EZH1: variants seen among roughly 807,000 people sequenced by gnomAD.
EZH1 encodes the protein histone-lysine N-methyltransferase EZH1.
A neutral mutation model predicts 100.5 loss-of-function variants in EZH1; 33 were observed. That is an observed-to-expected ratio of 0.33 (90% confidence interval 0.25 to 0.44). EZH1 has a LOEUF of 0.44. EZH1 is among the 20% of genes least tolerant of loss of function. The pLI is 1.00. For synonymous variants in EZH1, 272 were observed against 313.8 expected, an observed-to-expected ratio of 0.87 and a Z score of 1.41; for missense variants, 475 against 928.4, an observed-to-expected ratio of 0.51 and a Z score of 6.35.
chr17:42,726,164 C>T (rs979496288), intron 4 of EZH1, among the ~76,000 whole-genome samples: 15 of 149,926 alleles, frequency 1.0e-4, no homozygotes, highest in East Asian at 3.9e-4. Context: ...CAGGCATGAG[C>T]CACTGCACCC....
At position 42,727,760 on chromosome 17, in the gene EZH1, A is replaced by C. The variant is rs1209219306; in HGVS notation, c.121T>G (p.Leu41Val). ...ACCTTTGCAAAATTTGCCACATACA[A>C]AGCCTAGCAAAGCCATGGAAAAGAT... ...RLQANMGAKA[L>V]YVANFAKVQE... Residue 41 changes from leucine to valine, a missense_variant, in exon 4 of 21, where the codon TTG becomes GTG. Leu to Val is a conservative substitution (Grantham distance 32). Coordinates refer to ENST00000428826, the MANE Select transcript of EZH1 (RefSeq NM_001991.5). 3 of 1,589,460 alleles carry C rather than the reference A, an allele frequency of 1.9e-6. No homozygotes were observed. Among genetic ancestry groups the C allele is most frequent in the Non-Finnish European group, 2.6e-6 (3 of 1,172,216 alleles).
In EZH1 at chr17:42,741,933, C is replaced by T. The variant is rs116235110; in HGVS notation, c.-103+3078G>A. Among the ~76,000 whole-genome samples the T allele has an allele frequency of 9.7e-3, 1,480 of 152,122 alleles. 25 individuals are homozygous for T. The highest frequency in any genetic ancestry group is 0.034 in the African/African-American group (1,424 of 41,504). ...CTCACACTTCTGAACTCAAGTGATT[C>T]GCCCACCTCGGCCTCCCAAAATACT... On this transcript the variant is annotated intron_variant, in intron 1 of 20. Coordinates refer to ENST00000428826, the MANE Select transcript of EZH1 (RefSeq NM_001991.5).
At chr17:42,705,544 T>A (rs151186817) in intron 16 of EZH1, 65 of 199,340 alleles carry the variant, frequency 3.3e-4, no homozygotes, top group Non-Finnish European at 5.4e-4. Context: ...TTTTTGGAGA[T>A]GGAATCTCAC....
chr17:42,701,491 C>T lies in EZH1; in HGVS notation c.*1041G>A, dbSNP rs1407642150. ...CATATTCTAACTCACCCTTTCCAAA[C>T]AGCAGGCACTACAGACAGGAAAGCA... On this transcript the variant is annotated 3_prime_UTR_variant, in exon 21 of 21. Transcript: ENST00000428826. The T allele has an allele frequency of 6.5e-6, 1 of 152,902 alleles. No individual in the cohort carries two copies. The allele number at this position is 152,902 out of a possible 1,614,324, so 9.5% of individuals were successfully genotyped here. A position where few individuals can be genotyped will look rare whatever the true frequency, so the allele number is the denominator to read the frequency against.
At chr17:42,743,860 C>A (rs1010593664) in intron 1 of EZH1, among the ~76,000 whole-genome samples, 1 of 152,128 alleles carries the variant, frequency 6.6e-6, no homozygotes, top group African/African-American at 2.4e-5. Context: ...AATAGACAAG[C>A]TTTCACAGAA....
chr17:42,701,148 C>T lies in EZH1; in HGVS notation c.*1384G>A, dbSNP rs2053231946. 6.5e-6 allele frequency: 1 copy of T among 152,722 alleles called. No individual in the cohort carries two copies. Among genetic ancestry groups the T allele is most frequent in the African/African-American group, 2.4e-5 (1 of 41,460 alleles). The allele number at this position is 152,722 out of a possible 1,614,324, so 9.5% of individuals were successfully genotyped here. ...ACATGAAATTCTTCTGTGTGAAACT[C>T]ACTCGTCTGCCTCTCCCAGGAGATG... On this transcript the variant is annotated 3_prime_UTR_variant, in exon 21 of 21. Transcript: ENST00000428826.
intron 1 of EZH1, among the ~76,000 whole-genome samples, chr17:42,744,716 C>A (rs1334747773): frequency 6.6e-6 from 1 of 152,006 alleles, no homozygotes; most frequent in South Asian, 2.1e-4. Context: ...CGGCCCACAC[C>A]GCCATCCAAC....
intron 10 of EZH1, among the ~76,000 whole-genome samples, chr17:42,713,594 A>G (rs12453215): frequency 0.48 from 72,627 of 151,910 alleles, 17,524 homozygotes; most frequent in Non-Finnish European, 0.53. Flanking sequence ...GTTGTCCTAT[A>G]ATGTTTTTTT....
intron 1 of EZH1, among the ~76,000 whole-genome samples, chr17:42,742,339 C>T (rs905321902): frequency 3.9e-5 from 6 of 151,986 alleles, no homozygotes; most frequent in Non-Finnish European, 5.9e-5. Flanking sequence ...GATGGGGTTT[C>T]ACCATATTGG....
At chr17:42,707,581 G>A (rs1242759704) in intron 15 of EZH1, among the ~76,000 whole-genome samples, 4 of 152,138 alleles carry the variant, frequency 2.6e-5, no homozygotes, top group South Asian at 4.2e-4. Flanking sequence ...TTTTAGTAGA[G>A]ATGAGGTTTC....
intron 1 of EZH1, among the ~76,000 whole-genome samples, chr17:42,738,781 A>G: frequency 1.0e-5 from 1 of 99,646 alleles, no homozygotes; most frequent in African/African-American, 4.4e-5. Flanking sequence ...TTTTTTTGAG[A>G]AGGAGTCTCA....
intron 11 of EZH1, among the ~76,000 whole-genome samples, 154 bp from the exon 12 acceptor site, chr17:42,712,639 A>G (rs1369312284): frequency 6.6e-6 from 1 of 152,204 alleles, no homozygotes; most frequent in Non-Finnish European, 1.5e-5. Context: ...ATGGTGGCTC[A>G]CGCCTGTAAT....
intron 6 of EZH1, among the ~76,000 whole-genome samples, chr17:42,721,778 C>T (rs112662974): frequency 0.012 from 1,827 of 151,876 alleles, 47 homozygotes; most frequent in African/African-American, 0.042. Flanking sequence ...GGGAGGCCAA[C>T]GTGGGAGGAT....
intron 12 of EZH1, among the ~76,000 whole-genome samples, chr17:42,711,033 T>G (rs540974204): frequency 1.5e-4 from 23 of 152,296 alleles, no homozygotes; most frequent in Admixed American, 1.2e-3. Context: ...TTGGACATGC[T>G]GGCCCTGACA....
At chr17:42,709,990 A>G in intron 12 of EZH1, 53 bp from the exon 13 acceptor site, 5 of 1,537,510 alleles carry the variant, frequency 3.3e-6, no homozygotes, top group Non-Finnish European at 4.5e-6. Flanking sequence ...GGGTCAGGTA[A>G]GTGGCCCAGC....
chr17:42,733,636 A>G (rs1338709298), intron 1 of EZH1, among the ~76,000 whole-genome samples: 1 of 136,892 alleles, frequency 7.3e-6, no homozygotes, highest in African/African-American at 2.8e-5. Flanking sequence ...GCGAGACTCC[A>G]TCTCAAAAAA....
At position 42,702,060 on chromosome 17, in the gene EZH1, C is replaced by T. The variant is rs2053252109; in HGVS notation, c.*472G>A. On this transcript the variant is annotated 3_prime_UTR_variant, in exon 21 of 21. Transcript: ENST00000428826. ...GCCTCTAACCCAGACCACTTGTAGG[C>T]TCCAGGGACCACACTTCACTTAGCC... 6.4e-6 allele frequency: 1 copy of T among 155,442 alleles called. No individual in the cohort carries two copies. The highest frequency in any genetic ancestry group is 2.4e-5 in the African/African-American group (1 of 41,496). The allele number at this position is 155,442 out of a possible 1,614,324, so 9.6% of individuals were successfully genotyped here. A position where few individuals can be genotyped will look rare whatever the true frequency, so the allele number is the denominator to read the frequency against.
At chr17:42,716,231 A>C (rs2053602687) in intron 10 of EZH1, among the ~76,000 whole-genome samples, 1 of 152,156 alleles carries the variant, frequency 6.6e-6, no homozygotes, top group Admixed American at 6.6e-5. Flanking sequence ...TAATTGTCCT[A>C]GGTGTAATAA....
intron 10 of EZH1, among the ~76,000 whole-genome samples, chr17:42,717,556 AG>A (rs1158042567): frequency 8.5e-5 from 13 of 152,182 alleles, no homozygotes; most frequent in African/African-American, 3.1e-4. Flanking sequence ...TCTGTCCATC[AG>A]GGAACGGTCC....
Sources: gnomAD v4.1 joint callset for allele counts (sites outside exome capture counted in the v4.1 genomes callset) on GRCh38, gnomAD v4.1.1 for gene constraint, MANE v1.5 for transcripts, NCBI Gene and HGNC (gene_info 2026-07-23, HGNC 2026-07-21) for gene names.